Variants in KIAA1217 observed in about 807,000 individuals in gnomAD.
KIAA1217 encodes the protein KIAA1217, also known as sickle tail protein homolog.
Under a neutral mutation model 163.9 loss-of-function variants are expected in KIAA1217, and 88 were observed. The observed-to-expected ratio is 0.54, with a 90% CI of 0.45 to 0.64. The LOEUF is 0.64. Among genes scored for constraint, KIAA1217 ranks in the 30% least tolerant of loss-of-function variants. The pLI is 0.00. For missense variants in KIAA1217, 2,372 were observed against 2,475.0 expected (o/e 0.96, Z 0.88); for synonymous variants, 903 against 923.1 (o/e 0.98, Z 0.39).
rs746890455 is a variant in KIAA1217 at position 24,473,824 on chromosome 10, G to C, written c.1443G>C (p.Leu481=). Residue 481 remains leucine, a synonymous_variant, in exon 6 of 21, where the codon CTG becomes CTC. Transcript: ENST00000376454. The stretch of plus-strand genomic sequence containing the variant: ...CCTCTCCTCACAGAGTCAGTGACCT[G>C]AGGATGATAGACATGCACGCTCACT... ...PPASPHRVSD[L]RMIDMHAHYN... The C allele has an allele frequency of 2.4e-5, 39 of 1,614,026 alleles. No homozygotes were observed. The highest frequency in any genetic ancestry group is 1.6e-4 in the Middle Eastern group (1 of 6,084).
intron 1 of KIAA1217, among the ~76,000 whole-genome samples, chr10:23,865,959 C>T (rs1840159955): frequency 6.6e-6 from 1 of 152,106 alleles, no homozygotes; most frequent in Non-Finnish European, 1.5e-5. Context: ...ATTAAGGAAA[C>T]TTTATAATAA....
rs192638570 is a variant in KIAA1217 at position 24,423,796 on chromosome 10, A to C, written c.554-9199A>C. ...AGTGATCCACCCACCTTGGCCTCCG[A>C]AAGTTCTGGGATTACAGGCATGAGC... On this transcript the variant is annotated intron_variant, in intron 3 of 20. Coordinates refer to ENST00000376454, the MANE Select transcript of KIAA1217 (RefSeq NM_019590.5). Among the ~76,000 whole-genome samples the C allele has an allele frequency of 9.7e-4, 147 of 152,266 alleles. 3 individuals carry two copies. The highest frequency in any genetic ancestry group is 3.4e-3 in the African/African-American group (143 of 41,542).
chr10:23,830,269 C>T (rs910688988), intron 1 of KIAA1217, among the ~76,000 whole-genome samples: 4 of 152,100 alleles, frequency 2.6e-5, no homozygotes, highest in Non-Finnish European at 4.4e-5. Context: ...AATGTTTCAC[C>T]TATTTTGTGC....
intron 1 of KIAA1217, among the ~76,000 whole-genome samples, chr10:24,216,422 A>G (rs1430139211): frequency 6.6e-6 from 1 of 152,204 alleles, no homozygotes; most frequent in African/African-American, 2.4e-5. Flanking sequence ...ATGCCTGCAT[A>G]AGAAATCACC....
chr10:24,403,616 A>G (rs2056833649), intron 3 of KIAA1217, among the ~76,000 whole-genome samples: 1 of 152,250 alleles, frequency 6.6e-6, no homozygotes, highest in Non-Finnish European at 1.5e-5. Flanking sequence ...ATGAAGGACC[A>G]GTATCTAGAA....
chr10:24,379,419 A>G (rs1488203397), intron 2 of KIAA1217, among the ~76,000 whole-genome samples: 1 of 152,232 alleles, frequency 6.6e-6, no homozygotes, highest in Non-Finnish European at 1.5e-5. Flanking sequence ...CTTTCTGGTC[A>G]TGATATTGGC....
intron 1 of KIAA1217, among the ~76,000 whole-genome samples, chr10:23,789,851 C>T (rs1169589674): frequency 2.0e-5 from 3 of 150,786 alleles, no homozygotes; most frequent in Middle Eastern, 3.4e-3. Context: ...GTAGAAATTT[C>T]ATTTGGTGAA....
intron 2 of KIAA1217, among the ~76,000 whole-genome samples, chr10:24,009,726 C>A (rs140758589): frequency 6.6e-5 from 10 of 152,240 alleles, no homozygotes; most frequent in African/African-American, 2.4e-4. Context: ...AGGATTTGAA[C>A]CGAGCTCTGG....
intron 2 of KIAA1217, among the ~76,000 whole-genome samples, chr10:24,177,258 CATATATATATATATATATATAT>C (rs1210930891): frequency 4.0e-4 from 10 of 25,146 alleles, no homozygotes; most frequent in African/African-American, 1.8e-3. Flanking sequence ...CTCTCACCAT[CATATATATATATATATATATAT>C]ATATATATAT....
At chr10:24,520,649 AAAATATATATATAT>A (rs1436762136) in intron 11 of KIAA1217, among the ~76,000 whole-genome samples, 1 of 67,764 alleles carries the variant, frequency 1.5e-5, no homozygotes, top group Non-Finnish European at 2.5e-5. Flanking sequence ...AAAAAAAAAA[AAAATATATATATAT>A]ATATATATAT....
intron 2 of KIAA1217, among the ~76,000 whole-genome samples, chr10:24,177,201 C>G (rs141167248): frequency 1.4e-5 from 2 of 143,808 alleles, no homozygotes; most frequent in South Asian, 2.2e-4. Context: ...GGACGCCAAG[C>G]CTGAGGAGGC....
At chr10:24,221,163 A>G (rs1016063469) in intron 2 of KIAA1217, among the ~76,000 whole-genome samples, 3 of 152,084 alleles carry the variant, frequency 2.0e-5, no homozygotes, top group African/African-American at 7.2e-5. Context: ...TGACAGTCAT[A>G]TAGACATTAC....
chr10:24,100,384 A>C (rs1182555414), intron 2 of KIAA1217, among the ~76,000 whole-genome samples: 2 of 152,218 alleles, frequency 1.3e-5, no homozygotes, highest in African/African-American at 4.8e-5. Context: ...AGATAGCAAT[A>C]GTGAACTTGT....
At chr10:24,135,624 T>A (rs983477304) in intron 2 of KIAA1217, among the ~76,000 whole-genome samples, 1 of 151,844 alleles carries the variant, frequency 6.6e-6, no homozygotes, top group Non-Finnish European at 1.5e-5. Context: ...ACCTGACATA[T>A]CGGTCCATGC....
intron 3 of KIAA1217, among the ~76,000 whole-genome samples, chr10:24,391,405 G>T (rs763083965): frequency 3.6e-5 from 5 of 140,596 alleles, no homozygotes; most frequent in African/African-American, 5.5e-5. Context: ...GAGTGCAGTG[G>T]TGTGATCTCA....
chr10:23,937,297 C>T (rs1843572821), intron 1 of KIAA1217, among the ~76,000 whole-genome samples: 1 of 152,112 alleles, frequency 6.6e-6, no homozygotes. Context: ...TGTTCAAAAT[C>T]CCTTGGGTTG....
intron 2 of KIAA1217, among the ~76,000 whole-genome samples, chr10:24,045,917 G>T (rs372985141): frequency 5.9e-5 from 9 of 152,022 alleles, no homozygotes; most frequent in Admixed American, 5.9e-4. Flanking sequence ...CACCTATGGA[G>T]AATTTTTTCA....
intron 9 of KIAA1217, among the ~76,000 whole-genome samples, chr10:24,501,883 G>C (rs565391379): frequency 6.6e-6 from 1 of 151,482 alleles, no homozygotes; most frequent in Non-Finnish European, 1.5e-5. Context: ...CGAGTAGCTG[G>C]AACTACAGGC....
intron 2 of KIAA1217, among the ~76,000 whole-genome samples, chr10:24,323,787 T>C (rs79615461): frequency 0.049 from 5,176 of 106,480 alleles, 296 homozygotes; most frequent in African/African-American, 0.18. Flanking sequence ...TGTTTTCTCT[T>C]CGTGTGTGTG....
Sources: allele counts gnomAD v4.1 joint callset (sites outside exome capture counted in the v4.1 genomes callset), GRCh38; gene constraint gnomAD v4.1.1; transcripts MANE v1.5; gene names NCBI Gene and HGNC (gene_info 2026-07-23, HGNC 2026-07-21).